Variants in SV2C observed in about 807,000 individuals in gnomAD.
SV2C encodes solute carrier family 22 member B3.
Under a neutral mutation model 79.7 loss-of-function variants are expected in SV2C, and 49 were observed. That is an observed-to-expected ratio of 0.61 (90% CI 0.49 to 0.78). SV2C has a LOEUF of 0.78. Ranked by LOEUF, SV2C falls within the 30% of genes least tolerant of loss-of-function variation. The pLI, the probability that SV2C is intolerant of heterozygous loss-of-function variation, is 0.00. For synonymous variants in SV2C, 334 were observed against 333.2 expected, an observed-to-expected ratio of 1.00 and a Z score of -0.03; for missense variants, 833 against 912.9, an observed-to-expected ratio of 0.91 and a Z score of 1.13.
intron 12 of SV2C, among the ~76,000 whole-genome samples, chr5:76,339,575 G>A (rs1749399511): frequency 6.6e-6 from 1 of 152,082 alleles, no homozygotes; most frequent in African/African-American, 2.4e-5. Context: ...TTAACTGGGT[G>A]TGGTGGTGGG....
chr5:76,271,561 A>G (rs1017713604), intron 4 of SV2C, among the ~76,000 whole-genome samples: 3 of 150,972 alleles, frequency 2.0e-5, no homozygotes, highest in Admixed American at 1.3e-4. Context: ...TGGACTATAT[A>G]CTGTGCTATA....
the SV2C span, among the ~76,000 whole-genome samples, chr5:76,077,322 T>G: frequency 1.1e-4 from 16 of 152,124 alleles, no homozygotes; most frequent in Admixed American, 1.0e-3. Flanking sequence ...ACAGGACATA[T>G]GGTTTCTTCA....
At chr5:76,221,571 T>C (rs143544786) in intron 4 of SV2C, among the ~76,000 whole-genome samples, 1,855 of 152,216 alleles carry the variant, frequency 0.012, 13 homozygotes, top group Non-Finnish European at 0.017. Flanking sequence ...TACACACTAA[T>C]GTGTGTTAGG....
intron 1 of SV2C, among the ~76,000 whole-genome samples, chr5:76,130,128 C>G (rs61556483): frequency 3.0e-5 from 4 of 132,576 alleles, no homozygotes; most frequent in African/African-American, 1.2e-4. Context: ...TCCTCCCTTT[C>G]TCTTCCTCTC....
the SV2C span, among the ~76,000 whole-genome samples, chr5:75,933,883 T>C: frequency 2.0e-5 from 3 of 152,228 alleles, no homozygotes; most frequent in Non-Finnish European, 4.4e-5. Context: ...CTCGTTCCCC[T>C]ACACTTTCAT....
chr5:76,244,522 C>T (rs575868718), intron 4 of SV2C, among the ~76,000 whole-genome samples: 2 of 152,256 alleles, frequency 1.3e-5, no homozygotes, highest in East Asian at 3.9e-4. Flanking sequence ...CAACAAATAT[C>T]CAAAATGTCA....
the SV2C span, among the ~76,000 whole-genome samples, chr5:76,014,847 G>C: frequency 6.6e-6 from 1 of 152,244 alleles, no homozygotes; most frequent in Admixed American, 6.5e-5. Flanking sequence ...TCTGATTGAT[G>C]TAGAAATTTC....
Position 76,285,305 on chromosome 5 carries a change from A to T in SV2C, c.1047+10A>T, listed in dbSNP as rs1291618752. ...ACGATTCTTGTTGGAGGTAACACTT[A>T]TTATTGCAGATACTCAGGTAGCCCA... On this transcript the variant is annotated intron_variant, in intron 5 of 12. Transcript: ENST00000502798. 1 of 1,613,386 alleles carries T rather than the reference A, an allele frequency of 6.2e-7. No homozygotes were observed. Among genetic ancestry groups the T allele is most frequent in the South Asian group, 1.1e-5 (1 of 90,796 alleles).
At chr5:76,199,710 G>A (rs1190238227) in intron 3 of SV2C, among the ~76,000 whole-genome samples, 1 of 152,208 alleles carries the variant, frequency 6.6e-6, no homozygotes, top group Non-Finnish European at 1.5e-5. Context: ...GCAGCCATCT[G>A]TGTCATTGGC....
chr5:76,262,286 C>CT (rs1746495092), intron 4 of SV2C, among the ~76,000 whole-genome samples: 1 of 152,054 alleles, frequency 6.6e-6, no homozygotes, highest in Non-Finnish European at 1.5e-5. Context: ...GGTGATATCC[C>CT]TTTTTTTGTT....
At chr5:76,103,605 T>C (rs897899085) in intron 1 of SV2C, among the ~76,000 whole-genome samples, 2 of 152,232 alleles carry the variant, frequency 1.3e-5, no homozygotes, top group Non-Finnish European at 2.9e-5. Flanking sequence ...TATGCTCTTA[T>C]AGCAATATGC....
At chr5:75,975,711 G>C in the SV2C span, among the ~76,000 whole-genome samples, 1 of 152,246 alleles carries the variant, frequency 6.6e-6, no homozygotes, top group South Asian at 2.1e-4. Context: ...AGAGCCTTGG[G>C]ATGCATATAT....
chr5:76,266,364 C>T (rs1044689639), intron 4 of SV2C, among the ~76,000 whole-genome samples: 3 of 152,224 alleles, frequency 2.0e-5, no homozygotes, highest in Middle Eastern at 3.4e-3. Context: ...CGTGCCACCA[C>T]GCCCAGCTAA....
intron 2 of SV2C, among the ~76,000 whole-genome samples, chr5:76,146,157 T>A (rs536029637): frequency 1.3e-5 from 2 of 152,260 alleles, no homozygotes; most frequent in African/African-American, 4.8e-5. Flanking sequence ...TCCTGCCTCT[T>A]AAGTCGACCA....
the SV2C span, among the ~76,000 whole-genome samples, chr5:75,918,773 CAA>C: frequency 0.016 from 2,422 of 152,282 alleles, 57 homozygotes; most frequent in African/African-American, 0.053. Flanking sequence ...AGTCAGATAA[CAA>C]GAGGGAAGAA....
At chr5:75,923,530 G>A in the SV2C span, among the ~76,000 whole-genome samples, 2 of 151,910 alleles carry the variant, frequency 1.3e-5, no homozygotes, top group South Asian at 2.1e-4. Flanking sequence ...TCTGACAAAG[G>A]ACTAGTATCC....
intron 2 of SV2C, chr5:76,173,658 G>C (rs1164175155): frequency 6.2e-7 from 1 of 1,613,518 alleles, no homozygotes; most frequent in Non-Finnish European, 8.5e-7. Context: ...GACTTTTTGC[G>C]AGCCTTCCCA....
the SV2C span, among the ~76,000 whole-genome samples, chr5:75,936,110 G>A: frequency 3.0e-4 from 45 of 152,246 alleles, no homozygotes; most frequent in East Asian, 8.3e-3. Flanking sequence ...TAGAATTAAG[G>A]GAGTTTATTG....
rs2112572994 is a variant in SV2C at position 76,329,710 on chromosome 5, C to A, written c.*4163C>A. 6.6e-6 allele frequency: 1 copy of A among 151,078 alleles called. No individual in the cohort carries two copies. Among genetic ancestry groups the A allele is most frequent in the Middle Eastern group, 3.4e-3 (1 of 292 alleles). The allele number at this position is 151,078 out of a possible 1,614,324, so 9.4% of individuals were successfully genotyped here. A position where few individuals can be genotyped will look rare whatever the true frequency, so the allele number is the denominator to read the frequency against. ...ATCAAAATAGATAGAATATGATATT[C>A]TCCAATTTTTTTTCTGTTTGATGTC... On this transcript the variant is annotated 3_prime_UTR_variant, in exon 13 of 13. Transcript: ENST00000502798.
Sources: gnomAD v4.1 joint callset for allele counts (sites outside exome capture counted in the v4.1 genomes callset) on GRCh38, gnomAD v4.1.1 for gene constraint, MANE v1.5 for transcripts, NCBI Gene and HGNC (gene_info 2026-07-23, HGNC 2026-07-21) for gene names.